MTUS1: variants seen among roughly 807,000 people sequenced by gnomAD.
MTUS1 encodes microtubule associated scaffold protein 1.
Under a neutral mutation model 120.8 loss-of-function variants are expected in MTUS1, and 109 were observed. That is an observed-to-expected ratio of 0.90 (90% CI 0.77 to 1.06). The LOEUF (loss-of-function observed/expected upper bound fraction) is 1.06. Ranked by LOEUF, MTUS1 falls within the 50% of genes least tolerant of loss-of-function variation. MTUS1 has a pLI of 0.00. For missense variants in MTUS1, 2,210 were observed against 1,486.3 expected (o/e 1.49, Z -8.01); for synonymous variants, 737 against 550.5 (o/e 1.34, Z -4.74).
Position 17,754,864 on chromosome 8 carries a change from T to A in MTUS1, c.944A>T (p.His315Leu). ...SALQEFFCLS[H>L]DESNSEPHSQ... ...ATGTGGTTCGCTATTGGATTCATCATGGGATAAACAAAAGAACTCTTGTAA... is the reference window on the plus strand; with the variant it reads ...ATGTGGTTCGCTATTGGATTCATCAAGGGATAAACAAAAGAACTCTTGTAA... Residue 315 changes from histidine (H) to leucine (L), a missense_variant, in exon 2 of 15, where the codon CAT becomes CTT. Transcript: ENST00000693296. The A allele has an allele frequency of 1.2e-6, 2 of 1,614,262 alleles. No homozygotes were observed. Among genetic ancestry groups the A allele is most frequent in the South Asian group, 1.1e-5 (1 of 91,086 alleles).
At chr8:17,741,637 T>C (rs926941312) in intron 3 of MTUS1, among the ~76,000 whole-genome samples, 1 of 152,210 alleles carries the variant, frequency 6.6e-6, no homozygotes, top group African/African-American at 2.4e-5. Context: ...ACTTCCCCGC[T>C]GGGTGGGACT....
rs2047516265 is a variant in MTUS1 at position 17,743,721 on chromosome 8, C to T, written c.2170G>A (p.Ala724Thr). Residue 724 changes from alanine to threonine, a missense_variant, in exon 3 of 15, where the codon GCT (alanine) becomes ACT (threonine). Coordinates refer to ENST00000693296, the MANE Select transcript of MTUS1 (RefSeq NM_001363059.2). The stretch of plus-strand genomic sequence containing the variant: ...GGGGGCCCCACTTTGGCTTTTGGAG[C>T]AGCTATTTGCCTCAAACCGCAGGAG... The part of the protein sequence containing the change: ...PDSCGLRQIA[A>T]PKAKVGPPVS... 1.2e-6 allele frequency: 2 copies of T among 1,614,066 alleles called. No homozygotes were observed. The highest frequency in any genetic ancestry group is 1.7e-6 in the Non-Finnish European group (2 of 1,180,042).
At chr8:17,784,260 T>C (rs967642067) in intron 1 of MTUS1, among the ~76,000 whole-genome samples, 4 of 152,016 alleles carry the variant, frequency 2.6e-5, no homozygotes, top group Admixed American at 6.6e-5. Context: ...GATGTTTTAG[T>C]TGGCAATCTA....
rs190676625 is a variant in MTUS1 at position 17,719,919 on chromosome 8, G to C, written c.2449+3753C>G. 4.6e-5 allele frequency among the ~76,000 whole-genome samples: 7 copies of C among 152,282 alleles called. No homozygotes were observed. The East Asian group carries it at 1.3e-3, about 29-fold the overall frequency. The stretch of plus-strand genomic sequence containing the variant: ...GGCCCTGTCTTATTGCAGTGAAAAG[G>C]GTCAGAAATGTTTGTTGCTGCAAGG... On this transcript the variant is annotated intron_variant, in intron 4 of 14. Coordinates refer to ENST00000693296, the MANE Select transcript of MTUS1 (RefSeq NM_001363059.2).
chr8:17,706,609 T>A (rs73200199), intron 6 of MTUS1, among the ~76,000 whole-genome samples: 6,472 of 152,294 alleles, frequency 0.042, 161 homozygotes, highest in Middle Eastern at 0.065. Flanking sequence ...TATGAAGCTT[T>A]TGGAAAACAA....
intron 2 of MTUS1, among the ~76,000 whole-genome samples, chr8:17,748,599 G>T (rs545472335): frequency 2.6e-5 from 4 of 152,284 alleles, no homozygotes; most frequent in African/African-American, 9.6e-5. Flanking sequence ...GGGCTTTAGG[G>T]TCACAGACAC....
chr8:17,678,869 A>G (rs565509855), intron 7 of MTUS1, among the ~76,000 whole-genome samples: 44 of 152,168 alleles, frequency 2.9e-4, no homozygotes, highest in Non-Finnish European at 5.3e-4. Context: ...GAAGAAGCTT[A>G]ATTACTACCA....
chr8:17,774,184 A>G (rs2050226638), intron 1 of MTUS1, among the ~76,000 whole-genome samples: 4 of 152,228 alleles, frequency 2.6e-5, no homozygotes, highest in Admixed American at 2.6e-4. Flanking sequence ...GCATTCTGTT[A>G]AGAAGCTCCC....
At chr8:17,697,491 A>T (rs1361698489) in intron 6 of MTUS1, 13 of 1,456,236 alleles carry the variant, frequency 8.9e-6, no homozygotes, top group African/African-American at 1.4e-5. Flanking sequence ...CAGAGGAAAG[A>T]TGCCTACACA....
At chr8:17,693,803 G>C (rs1329975633) in intron 6 of MTUS1, among the ~76,000 whole-genome samples, 1 of 152,188 alleles carries the variant, frequency 6.6e-6, no homozygotes, top group Non-Finnish European at 1.5e-5. Context: ...TGTGAAGGCA[G>C]GGTCCATGTG....
chr8:17,761,012 AAGG>A (rs201643554), intron 1 of MTUS1, among the ~76,000 whole-genome samples: 2,593 of 152,276 alleles, frequency 0.017, 32 homozygotes, highest in South Asian at 0.067. Context: ...TTGGGAAAAC[AAGG>A]AGATCTTTTT....
chr8:17,668,505 T>C (rs1025274064), intron 8 of MTUS1, among the ~76,000 whole-genome samples: 15 of 152,206 alleles, frequency 9.9e-5, no homozygotes, highest in Non-Finnish European at 1.6e-4. Context: ...AACTGTAATC[T>C]ATTTCCAAGG....
chr8:17,754,592 C>T lies in MTUS1; in HGVS notation c.1216G>A (p.Gly406Ser), dbSNP rs1003580259. Residue 406 changes from glycine to serine, a missense_variant, in exon 2 of 15, where the codon GGC (glycine) becomes AGC (serine). Transcript: ENST00000693296. Reference sequence around the variant, plus strand: ...TCCCAAGTCAGTCCAAATGACGAGCCCACCTTTTGTCCTGGCGGGCTACTT... The same window carrying T: ...TCCCAAGTCAGTCCAAATGACGAGCTCACCTTTTGTCCTGGCGGGCTACTT... Reference protein sequence around the residue: ...ILSSPPGQKVGSSFGLTWDAN... With the variant: ...ILSSPPGQKVSSSFGLTWDAN... 1.2e-6 allele frequency: 2 copies of T among 1,614,134 alleles called. No homozygotes were observed.
At chr8:17,662,442 A>T (rs143453176) in intron 8 of MTUS1, among the ~76,000 whole-genome samples, 11,943 of 136,040 alleles carry the variant, frequency 0.088, 557 homozygotes, top group Middle Eastern at 0.13. Context: ...TGCAACCTCC[A>T]CCTCCCGGGT....
intron 3 of MTUS1, among the ~76,000 whole-genome samples, chr8:17,725,884 C>T (rs1330813346): frequency 6.6e-6 from 1 of 152,142 alleles, no homozygotes; most frequent in Non-Finnish European, 1.5e-5. Context: ...AGATTGCACA[C>T]CCCAATCTAT....
intron 8 of MTUS1, among the ~76,000 whole-genome samples, chr8:17,662,060 G>T (rs920583681): frequency 3.9e-5 from 6 of 152,080 alleles, no homozygotes; most frequent in African/African-American, 1.4e-4. Flanking sequence ...TGTGTGTGGC[G>T]GTGGGGGGCG....
chr8:17,695,325 A>T (rs531773889), intron 6 of MTUS1, among the ~76,000 whole-genome samples: 1 of 152,298 alleles, frequency 6.6e-6, no homozygotes, highest in Admixed American at 6.5e-5. Context: ...GTACGCCAAA[A>T]ATTCTAAATA....
chr8:17,680,139 C>A (rs147602485), intron 7 of MTUS1, among the ~76,000 whole-genome samples: 1 of 152,126 alleles, frequency 6.6e-6, no homozygotes, highest in Non-Finnish European at 1.5e-5. Flanking sequence ...GGGAACAGAA[C>A]GTAGATCTAG....
intron 7 of MTUS1, chr8:17,676,317 T>C: frequency 1.4e-6 from 1 of 703,070 alleles, no homozygotes; most frequent in South Asian, 1.5e-5. Flanking sequence ...AGTTTGCTGC[T>C]GGGGCAGCCC....
Sources: allele counts gnomAD v4.1 joint callset (sites outside exome capture counted in the v4.1 genomes callset), GRCh38; gene constraint gnomAD v4.1.1; transcripts MANE v1.5; gene names NCBI Gene and HGNC (gene_info 2026-07-23, HGNC 2026-07-21).